The following LRRFIP2 variants were observed in gnomAD, a reference collection of about 807,000 sequenced individuals.
LRRFIP2 encodes the protein leucine-rich repeat flightless-interacting protein 2.
A neutral mutation model predicts 125.9 loss-of-function variants in LRRFIP2; 109 were observed. The ratio of observed to expected loss-of-function variants is 0.87; its 90% CI spans 0.74 to 1.01. The LOEUF is 1.01. Ranked by LOEUF, LRRFIP2 falls within the 50% of genes least tolerant of loss-of-function variation. LRRFIP2 has a pLI of 0.00. For synonymous variants in LRRFIP2, 291 were observed against 293.1 expected (o/e 0.99, Z 0.07); for missense variants, 850 against 862.3 (o/e 0.99, Z 0.18).
rs1183883310 is a variant in LRRFIP2, at chr3:37,075,081, C to T, written c.1314G>A (p.Leu438=). The part of the protein sequence containing the change: ...LERQKHMCSV[L]QHKMEELKEG... Reference sequence around the variant, plus strand: ...CTTTAAGTTCTTCCATCTTATGCTGCAGCACACTACACATATGTTTCTGCC... The same window carrying T: ...CTTTAAGTTCTTCCATCTTATGCTGTAGCACACTACACATATGTTTCTGCC... Residue 438 remains leucine, a synonymous_variant, in exon 20 of 28, where the codon CTG becomes CTA. Transcript: ENST00000336686. 4.3e-6 allele frequency: 7 copies of T among 1,612,574 alleles called. No individual in the cohort carries two copies. The highest frequency in any genetic ancestry group is 1.3e-5 in the African/African-American group (1 of 75,010).
intron 20 of LRRFIP2, among the ~76,000 whole-genome samples, chr3:37,074,121 A>G (rs1354230951): frequency 6.6e-6 from 1 of 152,252 alleles, no homozygotes; most frequent in African/African-American, 2.4e-5. Flanking sequence ...CTTTTTCTCT[A>G]TTAAATGGTT....
chr3:37,157,988 C>T (rs1211616823), intron 1 of LRRFIP2, among the ~76,000 whole-genome samples: 1 of 152,148 alleles, frequency 6.6e-6, no homozygotes, highest in African/African-American at 2.4e-5. Context: ...ATAATCTTTC[C>T]ATTTCCTCCC....
At chr3:37,111,270 A>C (rs1264534392) in intron 8 of LRRFIP2, among the ~76,000 whole-genome samples, 1 of 152,176 alleles carries the variant, frequency 6.6e-6, no homozygotes, top group Non-Finnish European at 1.5e-5. Flanking sequence ...CTAAATTTTT[A>C]AATTTAAAAA....
upstream of LRRFIP2, chr3:37,175,171 CCTT>C (rs2096641013): frequency 1.3e-5 from 2 of 152,188 alleles, no homozygotes; most frequent in Non-Finnish European, 1.5e-5. Context: ...ACCCCGCTCT[CCTT>C]CTCTCTTGTT....
chr3:37,082,054 C>T (rs1010538560), intron 19 of LRRFIP2, among the ~76,000 whole-genome samples: 15 of 151,886 alleles, frequency 9.9e-5, no homozygotes, highest in Admixed American at 2.6e-4. Context: ...ATATTTGAGA[C>T]GATGGAAAGA....
At chr3:37,148,138 T>G (rs2095906621) in intron 2 of LRRFIP2, among the ~76,000 whole-genome samples, 1 of 152,244 alleles carries the variant, frequency 6.6e-6, no homozygotes, top group Non-Finnish European at 1.5e-5. Flanking sequence ...TTCAACATTC[T>G]AATTATCCTA....
At chr3:37,118,798 G>T (rs1183278734) in intron 6 of LRRFIP2, among the ~76,000 whole-genome samples, 1 of 152,172 alleles carries the variant, frequency 6.6e-6, no homozygotes, top group Non-Finnish European at 1.5e-5. Context: ...CGTTCAAAAA[G>T]TATTAGACCT....
chr3:37,127,913 CTTAT>C (rs1255788779), intron 3 of LRRFIP2, among the ~76,000 whole-genome samples: 5 of 151,984 alleles, frequency 3.3e-5, no homozygotes, highest in Non-Finnish European at 7.4e-5. Context: ...GTCTCATTCA[CTTAT>C]TTATTTATTT....
chr3:37,066,310 T>G lies in LRRFIP2; in HGVS notation c.1480A>C (p.Lys494Gln), dbSNP rs1028854534. ...TTCCTAAGGCAGGCAATGTATTCTT[T>G]CTGTTTCTCTAGGGCCTGGTTTTAG... ...DKKIGALEKQ[K>Q]EYIACLRNER... The change falls in exon 22 of 28, where the codon AAA (lysine) becomes CAA (glutamine). Residue 494 changes from lysine to glutamine, a missense_variant. Coordinates refer to ENST00000336686, the MANE Select transcript of LRRFIP2 (RefSeq NM_006309.4). 3 of 1,614,010 alleles carry G rather than the reference T, an allele frequency of 1.9e-6. No homozygotes were observed. In the African/African-American group the frequency reaches 4.0e-5, roughly 22 times the overall value.
intron 20 of LRRFIP2, among the ~76,000 whole-genome samples, chr3:37,074,215 G>A (rs2148908577): frequency 6.6e-6 from 1 of 152,296 alleles, no homozygotes; most frequent in East Asian, 1.9e-4. Flanking sequence ...GAAAGGCTAA[G>A]GTCTGAGTAG....
chr3:37,107,467 G>A (rs7643836), intron 13 of LRRFIP2, among the ~76,000 whole-genome samples: 67,607 of 151,958 alleles, frequency 0.44, 15,698 homozygotes, highest in Non-Finnish European at 0.48. Context: ...GCACTCATAC[G>A]TGCATAAAAT....
rs532455806 is a variant in LRRFIP2 at position 37,091,508 on chromosome 3, C to T, written c.1066G>A (p.Asp356Asn). Residue 356 changes from aspartate to asparagine, a missense_variant, in exon 18 of 28, where the codon GAT (aspartate) becomes AAT (asparagine). Transcript: ENST00000336686. ...DIYDLKDQIQDVEGRYMQGLK... is the reference protein window; with the variant it reads ...DIYDLKDQIQNVEGRYMQGLK... Reference sequence around the variant, plus strand: ...CCCTGCATGTATCTCCCTTCTACATCCTGTATCTGGTCCTTAAGGTCATAG... The same window carrying T: ...CCCTGCATGTATCTCCCTTCTACATTCTGTATCTGGTCCTTAAGGTCATAG... 12 of 1,612,136 alleles carry T rather than the reference C, an allele frequency of 7.4e-6. No individual in the cohort carries two copies. The highest frequency in any genetic ancestry group is 6.7e-5 in the East Asian group (3 of 44,790).
upstream of LRRFIP2, chr3:37,174,928 T>C (rs1358466520): frequency 6.6e-6 from 1 of 152,218 alleles, no homozygotes; most frequent in African/African-American, 2.4e-5. Flanking sequence ...CTACATATTA[T>C]AATACTAGGT....
At chr3:37,174,998 A>C (rs1278587554), upstream of LRRFIP2, 1 of 152,254 alleles carries the variant, frequency 6.6e-6, no homozygotes, top group Non-Finnish European at 1.5e-5. Context: ...TAGTGCTGCA[A>C]GATATTCAAA....
chr3:37,152,271 T>C (rs539943693), intron 1 of LRRFIP2, among the ~76,000 whole-genome samples: 5 of 152,222 alleles, frequency 3.3e-5, no homozygotes, highest in African/African-American at 7.2e-5. Context: ...AATGATATAA[T>C]AGACTTTGGG....
chr3:37,172,553 A>T (rs894580847), intron 1 of LRRFIP2, among the ~76,000 whole-genome samples: 1 of 152,152 alleles, frequency 6.6e-6, no homozygotes, highest in Non-Finnish European at 1.5e-5. Context: ...AAAATGTTTT[A>T]TCAATTTTTA....
chr3:37,168,099 T>C (rs1050717713), intron 1 of LRRFIP2, among the ~76,000 whole-genome samples: 1 of 152,118 alleles, frequency 6.6e-6, no homozygotes, highest in African/African-American at 2.4e-5. Context: ...CTGTGGAAAA[T>C]AGTATGGTGG....
intron 18 of LRRFIP2, among the ~76,000 whole-genome samples, chr3:37,088,443 G>C (rs2093220187): frequency 6.6e-6 from 1 of 150,926 alleles, no homozygotes; most frequent in Admixed American, 6.6e-5. Context: ...TTGGGAGGCA[G>C]AGGTGGGAGG....
At chr3:37,138,984 A>G (rs564384376) in intron 2 of LRRFIP2, among the ~76,000 whole-genome samples, 1 of 152,324 alleles carries the variant, frequency 6.6e-6, no homozygotes, top group African/African-American at 2.4e-5. Context: ...AAACACAAAC[A>G]ATGTGATACC....
Sources: gnomAD v4.1 joint callset for allele counts (sites outside exome capture counted in the v4.1 genomes callset) on GRCh38, gnomAD v4.1.1 for gene constraint, MANE v1.5 for transcripts, NCBI Gene and HGNC (gene_info 2026-07-23, HGNC 2026-07-21) for gene names.